LY96: variants seen among roughly 807,000 people sequenced by gnomAD.
LY96 encodes myeloid differentiation protein-2.
LY96 carries 18 observed loss-of-function variants against 18.9 expected under a neutral mutation model. The observed-to-expected ratio is 0.95, with a 90% CI of 0.66 to 1.41. The LOEUF (loss-of-function observed/expected upper bound fraction) is 1.41. LY96 is among the 40% of genes most tolerant of loss of function. The pLI is 0.00. For synonymous variants in LY96, 66 were observed against 62.6 expected, an observed-to-expected ratio of 1.06 and a Z score of -0.26; for missense variants, 175 against 182.4, an observed-to-expected ratio of 0.96 and a Z score of 0.23.
chr8:74,097,466 C>T, the LY96 span, among the ~76,000 whole-genome samples: 1 of 152,116 alleles, frequency 6.6e-6, no homozygotes, highest in African/African-American at 2.4e-5. Flanking sequence ...AATCCCAGCA[C>T]TTTGGGAGGT....
chr8:74,080,195 A>G, the LY96 span, among the ~76,000 whole-genome samples: 1,231 of 152,278 alleles, frequency 8.1e-3, 15 homozygotes, highest in African/African-American at 0.028. Context: ...AGCAGTGCCC[A>G]CTGTGGGTCT....
intron 3 of LY96, among the ~76,000 whole-genome samples, chr8:74,022,745 CT>C (rs1260848382): frequency 6.6e-6 from 1 of 151,822 alleles, no homozygotes; most frequent in Non-Finnish European, 1.5e-5. Context: ...CGCCCAACAA[CT>C]TTTTTTGTAT....
At chr8:73,991,657 T>C in intron 1 of LY96, 103 bp downstream of exon 1, 1 of 755,008 alleles carries the variant, frequency 1.3e-6, no homozygotes, top group Non-Finnish European at 2.4e-6. Context: ...GAAACATCAG[T>C]GTGTTCCAGC....
the LY96 span, among the ~76,000 whole-genome samples, chr8:74,045,897 C>T: frequency 4.6e-5 from 7 of 152,236 alleles, no homozygotes; most frequent in Admixed American, 3.9e-4. Flanking sequence ...ACAAGAGAGC[C>T]AGCTGACCTA....
At chr8:73,992,710 T>A (rs886849058) in intron 1 of LY96, among the ~76,000 whole-genome samples, 1 of 152,110 alleles carries the variant, frequency 6.6e-6, no homozygotes, top group Non-Finnish European at 1.5e-5. Flanking sequence ...TCCAAACGTA[T>A]GTCTAAAATC....
At chr8:74,046,765 C>T in the LY96 span, among the ~76,000 whole-genome samples, 40,614 of 151,990 alleles carry the variant, frequency 0.27, 6,584 homozygotes, top group African/African-American at 0.46. Context: ...TGAATTTATC[C>T]TCATAATCCT....
At chr8:74,074,566 G>C in the LY96 span, among the ~76,000 whole-genome samples, 1 of 152,048 alleles carries the variant, frequency 6.6e-6, no homozygotes, top group Non-Finnish European at 1.5e-5. Context: ...ACTTGCTTAA[G>C]ATGCATTGTT....
intron 1 of LY96, among the ~76,000 whole-genome samples, chr8:73,998,953 C>T (rs575512121): frequency 6.7e-5 from 10 of 149,670 alleles, no homozygotes; most frequent in African/African-American, 2.0e-4. Context: ...TTTCTAATTT[C>T]TTTTCCAGAT....
rs772658750 is a variant in LY96 at position 74,029,009 on chromosome 8, C to G, written c.438C>G (p.Leu146=). 1 of 1,612,426 alleles carries G rather than the reference C, an allele frequency of 6.2e-7. No individual in the cohort carries two copies. The highest frequency in any genetic ancestry group is 8.5e-7 in the Non-Finnish European group (1 of 1,179,100). The change falls in exon 5 of 5, where the codon CTC becomes CTG. Residue 146 remains leucine (L), a synonymous_variant. Transcript: ENST00000284818. The part of the protein sequence containing the change: ...EAISGSPEEM[L]FCLEFVILHQ... ...TTTCTGGGAGCCCAGAAGAAATGCTCTTTTGCTTGGAGTTTGTCATCCTAC... is the reference window on the plus strand; with the variant it reads ...TTTCTGGGAGCCCAGAAGAAATGCTGTTTTGCTTGGAGTTTGTCATCCTAC...
At chr8:74,074,142 C>T in the LY96 span, among the ~76,000 whole-genome samples, 1 of 152,046 alleles carries the variant, frequency 6.6e-6, no homozygotes, top group South Asian at 2.1e-4. Context: ...GGATTACAGT[C>T]TCCTACCACC....
chr8:74,040,371 T>C, the LY96 span, among the ~76,000 whole-genome samples: 1 of 152,246 alleles, frequency 6.6e-6, no homozygotes, highest in Non-Finnish European at 1.5e-5. Context: ...TTGGTTTGGT[T>C]GCTTGTGCTT....
chr8:74,080,442 G>C, the LY96 span, among the ~76,000 whole-genome samples: 39 of 152,174 alleles, frequency 2.6e-4, no homozygotes, highest in Non-Finnish European at 4.7e-4. Context: ...GAGGTGCCAG[G>C]AATCAGGCTT....
At chr8:74,071,621 T>G in the LY96 span, among the ~76,000 whole-genome samples, 12 of 152,228 alleles carry the variant, frequency 7.9e-5, no homozygotes, top group Non-Finnish European at 2.9e-5. Flanking sequence ...GTGTATATTT[T>G]CCCTATCCAA....
At chr8:74,087,130 C>T in the LY96 span, among the ~76,000 whole-genome samples, 6,680 of 152,256 alleles carry the variant, frequency 0.044, 266 homozygotes, top group African/African-American at 0.11. Flanking sequence ...TGAAATCCTA[C>T]AAAACTGGAT....
chr8:73,996,372 C>CTTT (rs756373007), intron 1 of LY96, among the ~76,000 whole-genome samples: 1,310 of 110,566 alleles, frequency 0.012, 26 homozygotes, highest in Non-Finnish European at 0.015. Flanking sequence ...TTCCTTCATT[C>CTTT]CTTTCTTTCT....
the LY96 span, among the ~76,000 whole-genome samples, chr8:74,087,665 C>A: frequency 6.6e-6 from 1 of 152,156 alleles, no homozygotes; most frequent in Admixed American, 6.5e-5. Flanking sequence ...TGCCTATCTT[C>A]TATTTCACAG....
rs372819599 is a variant in LY96 at position 74,004,918 on chromosome 8, C to G, written c.202+33C>G. 12 of 1,565,316 alleles carry G rather than the reference C, an allele frequency of 7.7e-6. 1 individual carries two copies. Among genetic ancestry groups the G allele is most frequent in the Non-Finnish European group, 1.1e-5 (12 of 1,140,534 alleles). On this transcript the variant is annotated intron_variant, in intron 2 of 4. Transcript: ENST00000284818. The stretch of plus-strand genomic sequence containing the variant: ...CAAATTTTTGCTTTTATAGACCAAT[C>G]AAAGGAGTTAAGAAATATCAGTGAT...
the LY96 span, among the ~76,000 whole-genome samples, chr8:74,089,052 T>C: frequency 1.3e-5 from 2 of 152,164 alleles, no homozygotes; most frequent in Non-Finnish European, 2.9e-5. Flanking sequence ...AGGAAAGAAC[T>C]GCTGGGAACA....
intron 1 of LY96, among the ~76,000 whole-genome samples, chr8:74,001,568 C>A (rs1816270198): frequency 6.6e-6 from 1 of 151,832 alleles, no homozygotes; most frequent in Admixed American, 6.6e-5. Flanking sequence ...AAACAAAAAA[C>A]AGGCCACATG....
Sources: gnomAD v4.1 joint callset for allele counts (sites outside exome capture counted in the v4.1 genomes callset) on GRCh38, gnomAD v4.1.1 for gene constraint, MANE v1.5 for transcripts, NCBI Gene and HGNC (gene_info 2026-07-23, HGNC 2026-07-21) for gene names.